The following XKR9 variants were observed in gnomAD, a reference collection of about 807,000 sequenced individuals.
The protein encoded by XKR9 is XK-related protein 9.
Under a neutral mutation model 32.0 loss-of-function variants are expected in XKR9, and 32 were observed. That is an observed-to-expected ratio of 1.00 (90% CI 0.76 to 1.34). The LOEUF is 1.34. Among genes scored for constraint, XKR9 ranks in the 40% most tolerant of loss-of-function variants. The pLI, the probability that XKR9 is intolerant of heterozygous loss-of-function variation, is 0.00. For synonymous variants in XKR9, 168 were observed against 143.4 expected, an observed-to-expected ratio of 1.17 and a Z score of -1.22; for missense variants, 546 against 429.7, an observed-to-expected ratio of 1.27 and a Z score of -2.39.
chr8:70,741,283 G>A (rs188893825), intron 2 of XKR9, among the ~76,000 whole-genome samples: 1 of 152,276 alleles, frequency 6.6e-6, no homozygotes, highest in Admixed American at 6.5e-5. Flanking sequence ...GAGGAAGAGA[G>A]ACCTGAGCTA....
the XKR9 span, among the ~76,000 whole-genome samples, chr8:70,825,437 C>A: frequency 1.3e-5 from 2 of 152,078 alleles, no homozygotes; most frequent in Non-Finnish European, 2.9e-5. Flanking sequence ...ATACAGTTCT[C>A]TGACAGAATT....
At chr8:70,806,941 G>A in the XKR9 span, among the ~76,000 whole-genome samples, 1 of 151,992 alleles carries the variant, frequency 6.6e-6, no homozygotes, top group Admixed American at 6.6e-5. Context: ...TCCACAAGCA[G>A]ATCAACCCCC....
At chr8:70,931,702 A>G in the XKR9 span, among the ~76,000 whole-genome samples, 1 of 152,214 alleles carries the variant, frequency 6.6e-6, no homozygotes, top group African/African-American at 2.4e-5. Flanking sequence ...CAGGGAGCTT[A>G]CAATCATGGC....
downstream of XKR9, among the ~76,000 whole-genome samples, chr8:70,737,160 G>A (rs1318886541): frequency 6.9e-6 from 1 of 144,570 alleles, no homozygotes; most frequent in Non-Finnish European, 1.5e-5. Flanking sequence ...GTGGTTTGTA[G>A]TTCTCCTTGA....
the XKR9 span, among the ~76,000 whole-genome samples, chr8:70,978,377 T>G: frequency 6.6e-6 from 1 of 152,312 alleles, no homozygotes; most frequent in East Asian, 1.9e-4. Context: ...TGGTACTAGT[T>G]TTTCCTTTCC....
At chr8:70,910,087 C>A in the XKR9 span, among the ~76,000 whole-genome samples, 1 of 151,278 alleles carries the variant, frequency 6.6e-6, no homozygotes, top group Non-Finnish European at 1.5e-5. Context: ...TAACCTGAAC[C>A]CTGTGGGGAA....
chr8:70,800,095 C>T, the XKR9 span, among the ~76,000 whole-genome samples: 1 of 152,104 alleles, frequency 6.6e-6, no homozygotes, highest in Non-Finnish European at 1.5e-5. Flanking sequence ...TATCAAAAGC[C>T]TTTTCTGCAT....
At chr8:70,839,322 C>A in the XKR9 span, among the ~76,000 whole-genome samples, 1 of 152,096 alleles carries the variant, frequency 6.6e-6, no homozygotes, top group Non-Finnish European at 1.5e-5. Flanking sequence ...GCACTTTAAC[C>A]TCCTGAATCT....
chr8:70,960,818 G>A, the XKR9 span, among the ~76,000 whole-genome samples: 4 of 151,420 alleles, frequency 2.6e-5, no homozygotes, highest in African/African-American at 9.7e-5. Flanking sequence ...GCTTCAGTGA[G>A]CCTTGATTGG....
the XKR9 span, among the ~76,000 whole-genome samples, chr8:70,818,866 T>C: frequency 6.6e-6 from 1 of 152,202 alleles, no homozygotes; most frequent in African/African-American, 2.4e-5. Flanking sequence ...GCCAGTCATC[T>C]GGGTCTCAGG....
chr8:70,906,286 A>G, the XKR9 span, among the ~76,000 whole-genome samples: 1 of 152,108 alleles, frequency 6.6e-6, no homozygotes, highest in Non-Finnish European at 1.5e-5. Context: ...CCCAGTTCCT[A>G]ATGTATCTGT....
chr8:70,836,721 C>A, the XKR9 span, among the ~76,000 whole-genome samples: 8 of 151,760 alleles, frequency 5.3e-5, no homozygotes, highest in Admixed American at 3.3e-4. Flanking sequence ...AATATCGAGG[C>A]ATAGAATTGC....
At chr8:70,946,372 C>CA in the XKR9 span, among the ~76,000 whole-genome samples, 3,809 of 145,216 alleles carry the variant, frequency 0.026, 92 homozygotes, top group Non-Finnish European at 0.035. Flanking sequence ...ATTTTCAAAA[C>CA]AAAAAAAAAA....
chr8:71,046,080 G>A, the XKR9 span, among the ~76,000 whole-genome samples: 1 of 152,248 alleles, frequency 6.6e-6, no homozygotes, highest in African/African-American at 2.4e-5. Flanking sequence ...ACCTCTCCAA[G>A]CTCATGTAGC....
Position 70,735,758 on chromosome 8 carries a change from C to A in XKR9, c.*1334C>A, listed in dbSNP as rs1310261796. On this transcript the variant is annotated 3_prime_UTR_variant, in exon 5 of 5. Transcript: ENST00000408926. The stretch of plus-strand genomic sequence containing the variant: ...GATAGTTTACTGAGAATGATGATTT[C>A]CAGCTTCATCCATGTCCCTACAAAG... 1 of 151,778 alleles carries A rather than the reference C, an allele frequency of 6.6e-6. No individual in the cohort carries two copies. Among genetic ancestry groups the A allele is most frequent in the Non-Finnish European group, 1.5e-5 (1 of 67,978 alleles). The allele number at this position is 151,778 out of a possible 1,614,324, so 9.4% of individuals were successfully genotyped here.
At chr8:70,921,050 A>G in the XKR9 span, among the ~76,000 whole-genome samples, 1 of 152,158 alleles carries the variant, frequency 6.6e-6, no homozygotes, top group African/African-American at 2.4e-5. Context: ...CATTCCATAT[A>G]CTCAATCAGC....
the XKR9 span, among the ~76,000 whole-genome samples, chr8:71,003,016 G>A: frequency 2.2e-4 from 34 of 152,328 alleles, no homozygotes; most frequent in Non-Finnish European, 7.3e-5. Flanking sequence ...GTTCAGCACT[G>A]CACTTCAAAG....
rs1339528120 is a variant in XKR9 at position 70,735,761 on chromosome 8, G to A, written c.*1337G>A. 4.0e-5 allele frequency: 6 copies of A among 151,452 alleles called. No homozygotes were observed. Among genetic ancestry groups the A allele is most frequent in the Non-Finnish European group, 8.8e-5 (6 of 67,926 alleles). 9.4% of individuals were successfully genotyped at this position (151,452 alleles called of 1,614,324 possible). A position where few individuals can be genotyped will look rare whatever the true frequency, so the allele number is the denominator to read the frequency against. ...AGTTTACTGAGAATGATGATTTCCA[G>A]CTTCATCCATGTCCCTACAAAGGAC... On this transcript the variant is annotated 3_prime_UTR_variant, in exon 5 of 5. Coordinates refer to ENST00000408926, the MANE Select transcript of XKR9 (RefSeq NM_001011720.2).
At chr8:70,770,757 C>A (rs952901201) in intron 2 of XKR9, among the ~76,000 whole-genome samples, 1 of 152,184 alleles carries the variant, frequency 6.6e-6, no homozygotes, top group African/African-American at 2.4e-5. Flanking sequence ...GGTGGACACC[C>A]CTCCCCCCAC....
Sources: allele counts gnomAD v4.1 joint callset (sites outside exome capture counted in the v4.1 genomes callset), GRCh38; gene constraint gnomAD v4.1.1; transcripts MANE v1.5; gene names NCBI Gene and HGNC (gene_info 2026-07-23, HGNC 2026-07-21).